Variants in N4BP1 observed in about 807,000 individuals in gnomAD.
The protein encoded by N4BP1 is NEDD4 binding protein 1.
A neutral mutation model predicts 70.9 loss-of-function variants in N4BP1; 21 were observed. The observed-to-expected ratio is 0.30, with a 90% CI of 0.21 to 0.43. N4BP1 has a LOEUF of 0.43. Ranked by LOEUF, N4BP1 falls within the 20% of genes least tolerant of loss-of-function variation. The pLI is 1.00. For missense variants in N4BP1, 936 were observed against 1,069.4 expected (o/e 0.88, Z 1.74); for synonymous variants, 387 against 394.6 (o/e 0.98, Z 0.23).
chr16:48,607,096 G>A (rs1367909788), intron 1 of N4BP1, among the ~76,000 whole-genome samples: 1 of 152,126 alleles, frequency 6.6e-6, no homozygotes, highest in Non-Finnish European at 1.5e-5. Flanking sequence ...TTTCTTACAA[G>A]TGGGAGGGTT....
intron 1 of N4BP1, chr16:48,600,645 C>G: frequency 2.0e-6 from 1 of 509,290 alleles, no homozygotes; most frequent in Non-Finnish European, 3.8e-6. Context: ...ATGGAAGATG[C>G]TTCTTAAAAA....
At chr16:48,609,734 G>C (rs915326120) in intron 1 of N4BP1, 41 bp downstream of exon 1, 3 of 1,307,358 alleles carry the variant, frequency 2.3e-6, no homozygotes, top group Admixed American at 4.1e-5. Flanking sequence ...GACCCGGACC[G>C]ATCGAGGCCG....
At chr16:48,554,189 T>C (rs1208994770) in intron 2 of N4BP1, among the ~76,000 whole-genome samples, 1 of 149,208 alleles carries the variant, frequency 6.7e-6, no homozygotes, top group East Asian at 2.0e-4. Context: ...AAAAAAAAAA[T>C]TAAAAGAACA....
At chr16:48,574,962 C>T (rs970431719) in intron 1 of N4BP1, among the ~76,000 whole-genome samples, 3 of 152,276 alleles carry the variant, frequency 2.0e-5, no homozygotes, top group Admixed American at 6.5e-5. Context: ...TGACAGTATT[C>T]CTCATATAAC....
At chr16:48,564,922 GTGAT>G (rs1367867053) in intron 1 of N4BP1, among the ~76,000 whole-genome samples, 6 of 152,136 alleles carry the variant, frequency 3.9e-5, no homozygotes, top group African/African-American at 1.4e-4. Context: ...ATTTTTCTGA[GTGAT>G]TGTACAGTGT....
intron 1 of N4BP1, among the ~76,000 whole-genome samples, chr16:48,563,670 A>G (rs774733576): frequency 2.9e-4 from 44 of 152,306 alleles, no homozygotes; most frequent in Non-Finnish European, 4.7e-4. Flanking sequence ...GTTGCTACTG[A>G]TTGAAACAGT....
intron 2 of N4BP1, among the ~76,000 whole-genome samples, chr16:48,556,755 T>C (rs1188714133): frequency 6.6e-6 from 1 of 152,024 alleles, no homozygotes; most frequent in African/African-American, 2.4e-5. Context: ...GTGGGGACAA[T>C]GGAAAGTCCT....
At chr16:48,563,915 T>G (rs573037137) in intron 1 of N4BP1, among the ~76,000 whole-genome samples, 1 of 152,330 alleles carries the variant, frequency 6.6e-6, no homozygotes, top group South Asian at 2.1e-4. Flanking sequence ...GAGCACTCTA[T>G]ATCCTCCTTC....
At chr16:48,598,308 C>T (rs187349900) in intron 1 of N4BP1, among the ~76,000 whole-genome samples, 1 of 152,316 alleles carries the variant, frequency 6.6e-6, no homozygotes, top group African/African-American at 2.4e-5. Flanking sequence ...CCTTCCTCAG[C>T]TTCATTAGGT....
chr16:48,546,004 G>C (rs762004561), intron 6 of N4BP1, 143 bp downstream of exon 6: 27 of 514,258 alleles, frequency 5.3e-5, no homozygotes, highest in Non-Finnish European at 8.7e-5. Flanking sequence ...TTCCAGCCTC[G>C]GTGACAGAGG....
At chr16:48,580,859 G>A (rs1219768931) in intron 1 of N4BP1, among the ~76,000 whole-genome samples, 1 of 152,022 alleles carries the variant, frequency 6.6e-6, no homozygotes, top group Admixed American at 6.6e-5. Flanking sequence ...ATTGTATAAG[G>A]CATTATAAGT....
At position 48,584,298 on chromosome 16, in the gene N4BP1, GA is replaced by G. The variant is rs1361909557; in HGVS notation, c.199-21855del. Among the ~76,000 whole-genome samples the G allele has an allele frequency of 6.6e-5, 10 of 152,296 alleles. No homozygotes were observed. In the East Asian group the frequency reaches 1.2e-3, roughly 18 times the overall value. ...TGCAAGATCACGTTTCGGGACCAATGAAAGAACTGTCTTTTTGAAATCTGGA... is the reference window on the plus strand; with the variant it reads ...TGCAAGATCACGTTTCGGGACCAATGAAGAACTGTCTTTTTGAAATCTGGA... On this transcript the variant is annotated intron_variant, in intron 1 of 6. Transcript: ENST00000262384.
chr16:48,598,628 G>A (rs1964454802), intron 1 of N4BP1, among the ~76,000 whole-genome samples: 1 of 152,104 alleles, frequency 6.6e-6, no homozygotes, highest in South Asian at 2.1e-4. Context: ...CCCCACATTG[G>A]AGAAATTTAA....
intron 1 of N4BP1, chr16:48,603,594 T>C (rs1304373587): frequency 2.0e-5 from 3 of 152,192 alleles, no homozygotes; most frequent in Admixed American, 1.3e-4. Flanking sequence ...TAGCTCCAGA[T>C]ACTTCACATT....
Position 48,609,853 on chromosome 16 carries a change from C to T in N4BP1, c.120G>A (p.Ala40=). The change falls in exon 1 of 7, where the codon GCG becomes GCA. Residue 40 remains alanine (A), a synonymous_variant. Transcript: ENST00000262384. ...CGGGCAGCGGCTCCTCAGCCCCTAG[C>T]GCGCCGAGCACGGCTAGGCTCACGC... ...LFGVSLAVLG[A]LGAEEPLPAR... 6.7e-7 allele frequency: 1 copy of T among 1,490,396 alleles called. No individual in the cohort carries two copies. Among genetic ancestry groups the T allele is most frequent in the East Asian group, 2.8e-5 (1 of 35,346 alleles). The allele number at this position is 1,490,396 out of a possible 1,614,324, so 92.3% of individuals were successfully genotyped here.
At chr16:48,545,619 T>A (rs1963579347) in intron 6 of N4BP1, among the ~76,000 whole-genome samples, 1 of 151,878 alleles carries the variant, frequency 6.6e-6, no homozygotes, top group African/African-American at 2.4e-5. Context: ...CAAAAAAAGT[T>A]TGGCTCCTGT....
chr16:48,597,879 T>C (rs2032598678), intron 1 of N4BP1, among the ~76,000 whole-genome samples: 1 of 152,220 alleles, frequency 6.6e-6, no homozygotes, highest in South Asian at 2.1e-4. Context: ...TAAGCTTCTG[T>C]ATAATGCTGC....
At chr16:48,585,482 A>T (rs1433239437) in intron 1 of N4BP1, among the ~76,000 whole-genome samples, 1 of 151,916 alleles carries the variant, frequency 6.6e-6, no homozygotes, top group Non-Finnish European at 1.5e-5. Context: ...ATTTAAAAAA[A>T]AAATAAATGA....
chr16:48,598,840 C>T (rs1221207727), intron 1 of N4BP1, among the ~76,000 whole-genome samples: 1 of 151,932 alleles, frequency 6.6e-6, no homozygotes, highest in Non-Finnish European at 1.5e-5. Flanking sequence ...TCCTATGATC[C>T]ATTGGCAAAG....
Sources: allele counts gnomAD v4.1 joint callset (sites outside exome capture counted in the v4.1 genomes callset), GRCh38; gene constraint gnomAD v4.1.1; transcripts MANE v1.5; gene names NCBI Gene and HGNC (gene_info 2026-07-23, HGNC 2026-07-21).